ZFHX3: variants seen among roughly 807,000 people sequenced by gnomAD.
ZFHX3 encodes the protein zinc finger homeobox 3.
In ZFHX3, 42 loss-of-function variants were observed where a neutral mutation model predicts 279.1. The observed-to-expected ratio is 0.15, with a 90% CI of 0.12 to 0.19. The LOEUF (loss-of-function observed/expected upper bound fraction) is 0.19. Among genes scored for constraint, ZFHX3 ranks in the 10% least tolerant of loss-of-function variants. ZFHX3 has a pLI of 1.00. For missense variants in ZFHX3, 4,981 were observed against 4,754.0 expected (o/e 1.05, Z -1.40); for synonymous variants, 2,293 against 1,957.8 (o/e 1.17, Z -4.52).
chr16:73,347,372 C>A (rs1220329940), intron 3 of ZFHX3, among the ~76,000 whole-genome samples: 1 of 152,206 alleles, frequency 6.6e-6, no homozygotes. Flanking sequence ...CAATGGTGTC[C>A]AGCTTTGTTG....
At chr16:73,863,092 G>C (rs1961923767) in intron 1 of ZFHX3, among the ~76,000 whole-genome samples, 1 of 152,164 alleles carries the variant, frequency 6.6e-6, no homozygotes, top group Non-Finnish European at 1.5e-5. Context: ...TGTAATCCCA[G>C]ACACTCAGGA....
intron 4 of ZFHX3, among the ~76,000 whole-genome samples, chr16:72,858,949 G>A (rs981652719): frequency 5.3e-5 from 8 of 152,136 alleles, no homozygotes; most frequent in Non-Finnish European, 1.0e-4. Flanking sequence ...GCTCAACTTC[G>A]CTTTCTGTCT....
rs77553781 is a variant in ZFHX3, at chr16:73,390,180, A to G, written c.-1291+65823T>C. On this transcript the variant is annotated intron_variant, in intron 3 of 17. Transcript: ENST00000641206. ...TAACCCGTCCCTCTACCTGTTCCTC[A>G]GGTGGTGTGGTCTCAAGGCCCCACC... 4.2e-3 allele frequency among the ~76,000 whole-genome samples: 634 copies of G among 152,056 alleles called. 2 individuals carry two copies. The highest frequency in any genetic ancestry group is 6.0e-3 in the Non-Finnish European group (405 of 67,976).
chr16:73,723,483 A>G (rs1489923014), intron 1 of ZFHX3, among the ~76,000 whole-genome samples: 1 of 152,204 alleles, frequency 6.6e-6, no homozygotes, highest in East Asian at 1.9e-4. Context: ...AAAAATGTTC[A>G]CAATGTATTG....
Position 72,787,989 on chromosome 16 carries a change from A to AC in ZFHX3, c.10286dup (p.Glu3430Ter). 1 of 1,551,122 alleles carries AC rather than the reference A, an allele frequency of 6.4e-7. No homozygotes were observed. Among genetic ancestry groups the AC allele is most frequent in the Non-Finnish European group, 8.7e-7 (1 of 1,144,754 alleles). On this transcript the variant is annotated frameshift_variant, in exon 10 of 10. Transcript: ENST00000268489. LOFTEE classifies it high-confidence loss of function. ...GTTTCGGCAGGAGGGGGGACACCTCACGGGGGGTGTTTTTCTGTTCTTCTG... is the reference window on the plus strand; with the variant it reads ...GTTTCGGCAGGAGGGGGGACACCTCACCGGGGGGTGTTTTTCTGTTCTTCTG...
chr16:72,937,271 G>A (rs1960174306), intron 3 of ZFHX3, among the ~76,000 whole-genome samples: 1 of 152,174 alleles, frequency 6.6e-6, no homozygotes, highest in Non-Finnish European at 1.5e-5. Context: ...GATACTTAGG[G>A]AGAGTTACAG....
At chr16:73,647,013 C>CTTTTTTT (rs4003260) in intron 2 of ZFHX3, among the ~76,000 whole-genome samples, 1 of 146,168 alleles carries the variant, frequency 6.8e-6, no homozygotes. Flanking sequence ...TTGTGCCAAC[C>CTTTTTTT]TTTTTTTTTT....
intron 2 of ZFHX3, among the ~76,000 whole-genome samples, chr16:73,475,332 T>A (rs530647771): frequency 6.4e-4 from 98 of 152,336 alleles, no homozygotes; most frequent in Admixed American, 1.4e-3. Flanking sequence ...GTAACATATA[T>A]CTGTTTCCAT....
intron 2 of ZFHX3, among the ~76,000 whole-genome samples, chr16:73,547,953 A>G (rs1388766064): frequency 2.0e-5 from 3 of 152,220 alleles, no homozygotes; most frequent in Non-Finnish European, 4.4e-5. Flanking sequence ...TGAAGCAAAT[A>G]AAGATTTACC....
intron 1 of ZFHX3, among the ~76,000 whole-genome samples, chr16:73,877,660 A>T (rs1384820610): frequency 6.6e-6 from 1 of 152,182 alleles, no homozygotes; most frequent in Non-Finnish European, 1.5e-5. Flanking sequence ...GTATTGATAA[A>T]TGGAAGTCAA....
At chr16:73,349,377 A>C (rs1026779857) in intron 3 of ZFHX3, among the ~76,000 whole-genome samples, 1 of 152,204 alleles carries the variant, frequency 6.6e-6, no homozygotes, top group African/African-American at 2.4e-5. Context: ...CACAGTCAGC[A>C]GCCTCATGCA....
At chr16:73,503,131 C>T (rs2019267622) in intron 2 of ZFHX3, among the ~76,000 whole-genome samples, 1 of 152,234 alleles carries the variant, frequency 6.6e-6, no homozygotes, top group Non-Finnish European at 1.5e-5. Flanking sequence ...AGCATTCACA[C>T]CACACGATCG....
At chr16:73,320,028 G>A (rs573703273) in intron 3 of ZFHX3, among the ~76,000 whole-genome samples, 1 of 152,244 alleles carries the variant, frequency 6.6e-6, no homozygotes, top group African/African-American at 2.4e-5. Context: ...AGAGAGAGCT[G>A]GACAGAGACT....
chr16:73,728,912 T>A (rs1347388616), intron 1 of ZFHX3, among the ~76,000 whole-genome samples: 3 of 151,872 alleles, frequency 2.0e-5, no homozygotes, highest in Non-Finnish European at 4.4e-5. Context: ...TTGGTTCCTT[T>A]ACTATATTTC....
chr16:73,222,757 C>T (rs1370615568), intron 5 of ZFHX3, among the ~76,000 whole-genome samples: 1 of 151,972 alleles, frequency 6.6e-6, no homozygotes, highest in Non-Finnish European at 1.5e-5. Context: ...CCAAGAATAG[C>T]TAACATAATA....
intron 1 of ZFHX3, among the ~76,000 whole-genome samples, chr16:73,045,290 G>A (rs1965252608): frequency 6.6e-6 from 1 of 152,232 alleles, no homozygotes. Flanking sequence ...TTATTCTAAT[G>A]AACTAACCAC....
At chr16:73,191,581 A>C (rs1968035872) in intron 5 of ZFHX3, among the ~76,000 whole-genome samples, 1 of 152,018 alleles carries the variant, frequency 6.6e-6, no homozygotes, top group Non-Finnish European at 1.5e-5. Context: ...AAACCAAACC[A>C]AACCCCTCCC....
At chr16:73,788,625 T>A (rs1049659089) in intron 1 of ZFHX3, among the ~76,000 whole-genome samples, 2 of 152,118 alleles carry the variant, frequency 1.3e-5, no homozygotes, top group African/African-American at 2.4e-5. Context: ...CGCAGACAAC[T>A]AGTAACAACT....
chr16:72,997,704 T>G (rs1963346959), intron 1 of ZFHX3, among the ~76,000 whole-genome samples: 1 of 152,206 alleles, frequency 6.6e-6, no homozygotes, highest in Non-Finnish European at 1.5e-5. Flanking sequence ...CTCTTCCTTC[T>G]TTAACCATCT....
Sources: allele counts gnomAD v4.1 joint callset (sites outside exome capture counted in the v4.1 genomes callset), GRCh38; gene constraint gnomAD v4.1.1; transcripts MANE v1.5; gene names NCBI Gene and HGNC (gene_info 2026-07-23, HGNC 2026-07-21).